The following CPNE7 variants were observed in gnomAD, a reference collection of about 807,000 sequenced individuals.
The protein encoded by CPNE7 is copine 7, also known as copine-7.
Under a neutral mutation model 66.5 loss-of-function variants are expected in CPNE7, and 78 were observed. That is an observed-to-expected ratio of 1.17 (90% CI 0.98 to 1.42). The LOEUF (loss-of-function observed/expected upper bound fraction) is 1.42. Among genes scored for constraint, CPNE7 ranks in the 40% most tolerant of loss-of-function variants. The pLI is 0.00. For synonymous variants in CPNE7, 468 were observed against 336.7 expected (o/e 1.39, Z -4.27); for missense variants, 1,012 against 776.6 (o/e 1.30, Z -3.60).
intron 1 of CPNE7, among the ~76,000 whole-genome samples, chr16:89,577,113 A>T (rs896905426): frequency 2.0e-5 from 3 of 152,156 alleles, no homozygotes; most frequent in Non-Finnish European, 4.4e-5. Context: ...CAGTTGGACC[A>T]GGGAACTGCA....
At position 89,578,940 on chromosome 16, in the gene CPNE7, C is replaced by A. The variant is rs370192350; in HGVS notation, c.357+1219C>A. On this transcript the variant is annotated intron_variant, in intron 2 of 14. Transcript: ENST00000319518. ...CTGCTGGACACTGCGCTAAGCACTT[C>A]CTGTGCTGCACGGAATCCTCACACC... The A allele has an allele frequency of 3.2e-5, 52 of 1,613,440 alleles. No individual in the cohort carries two copies. The highest frequency in any genetic ancestry group is 4.3e-5 in the Non-Finnish European group (51 of 1,179,620).
chr16:89,587,181 GCCCCTCCCCGC>G (rs2059061683), intron 9 of CPNE7, 79 bp downstream of exon 9: 4 of 588,080 alleles, frequency 6.8e-6, no homozygotes, highest in Admixed American at 3.3e-5. Context: ...CCGTGGCCCC[GCCCCTCCCCGC>G]CCCCTCAGTC....
intron 10 of CPNE7, 76 bp downstream of exon 10, chr16:89,588,884 C>T (rs1447545621): frequency 5.1e-6 from 8 of 1,566,540 alleles, no homozygotes; most frequent in Non-Finnish European, 7.0e-6. Flanking sequence ...TCTTCCCCCT[C>T]ACCCCCCTGG....
rs1215275290 is a variant in CPNE7, at chr16:89,585,762, C to G, written c.757C>G (p.Gln253Glu). 3 of 1,511,244 alleles carry G rather than the reference C, an allele frequency of 2.0e-6. No individual in the cohort carries two copies. The South Asian group carries it at 3.6e-5, about 18-fold the overall frequency. The allele number at this position is 1,511,244 out of a possible 1,614,324, so 93.6% of individuals were successfully genotyped here. The change falls in exon 7 of 15, where the codon CAG becomes GAG. Residue 253 changes from glutamine (Q) to glutamate (E), a missense_variant. Gln to Glu is a conservative substitution (Grantham distance 29). Transcript: ENST00000319518. ...ATTCTCTACCACCTTCGAGGAGATG[C>G]AGAAGGCCTTTGAGGAGGGGCAGGT... The part of the protein sequence containing the change: ...GEFSTTFEEM[Q>E]KAFEEGQAQW...
intron 2 of CPNE7, among the ~76,000 whole-genome samples, chr16:89,583,148 C>T (rs1442724118): frequency 1.3e-5 from 2 of 152,246 alleles, no homozygotes; most frequent in African/African-American, 4.8e-5. Context: ...TTCGAACAAT[C>T]AACTCTGCTC....
chr16:89,576,193 TG>T lies in CPNE7; in HGVS notation c.174+126del, dbSNP rs577281487. On this transcript the variant is annotated intron_variant, in intron 1 of 14. Coordinates refer to ENST00000319518, the MANE Select transcript of CPNE7 (RefSeq NM_153636.3). ...GGCGCAAGGCGGGGCCCCCCGGAGC[TG>T]GGGCTCAGCTCGGGGTCAGGGTTGG... 224 of 789,852 alleles carry T rather than the reference TG, an allele frequency of 2.8e-4. No homozygotes were observed. The African/African-American group carries it at 3.9e-3, about 14-fold the overall frequency. 48.9% of individuals were successfully genotyped at this position (789,852 alleles called of 1,614,324 possible).
intron 13 of CPNE7, among the ~76,000 whole-genome samples, chr16:89,594,603 A>T (rs1437289716): frequency 1.4e-5 from 2 of 144,004 alleles, no homozygotes; most frequent in Non-Finnish European, 3.0e-5. Context: ...GGTTTTTTTT[A>T]AACAATGGAA....
At chr16:89,593,767 C>G (rs1197844344) in intron 13 of CPNE7, among the ~76,000 whole-genome samples, 2 of 152,226 alleles carry the variant, frequency 1.3e-5, no homozygotes, top group Admixed American at 1.3e-4. Context: ...TTATCTAATA[C>G]ATAGACTATA....
At position 89,585,674 on chromosome 16, in the gene CPNE7, C is replaced by G. The variant is rs1420665238; in HGVS notation, c.682-13C>G. The stretch of plus-strand genomic sequence containing the variant: ...CCCCAGACAGCAGTGCTGAGGAGGA[C>G]TGGGCTCCCCAGTGCCTGGTCTGGG... On this transcript the variant is annotated splice_polypyrimidine_tract_variant and intron_variant, in intron 6 of 14. Coordinates refer to ENST00000319518, the MANE Select transcript of CPNE7 (RefSeq NM_153636.3). 1 of 1,553,680 alleles carries G rather than the reference C, an allele frequency of 6.4e-7. No homozygotes were observed. The highest frequency in any genetic ancestry group is 1.4e-5 in the African/African-American group (1 of 72,752).
intron 2 of CPNE7, 140 bp from the exon 3 acceptor site, chr16:89,583,557 C>G: frequency 6.3e-7 from 1 of 1,589,814 alleles, no homozygotes; most frequent in Non-Finnish European, 8.6e-7. Flanking sequence ...AAAGGGGGCG[C>G]GGGCCCTGGG....
In CPNE7 at chr16:89,592,215, C is replaced by T. The variant is rs548458117; in HGVS notation, c.1302+955C>T. ...ATTTTTAGTAGAGACGGGGTTTCAC[C>T]GTGTTAGCGAGGATGGTCTCGATCT... On this transcript the variant is annotated intron_variant, in intron 13 of 14. Transcript: ENST00000319518. Among the ~76,000 whole-genome samples, 113 of 149,280 alleles carry T rather than the reference C, an allele frequency of 7.6e-4. 2 individuals carry two copies. Among genetic ancestry groups the T allele is most frequent in the African/African-American group, 2.6e-3 (103 of 40,232 alleles).
intron 13 of CPNE7, among the ~76,000 whole-genome samples, chr16:89,593,561 C>T (rs1202159510): frequency 1.3e-5 from 2 of 151,920 alleles, no homozygotes; most frequent in African/African-American, 2.4e-5. Context: ...ACTGTGTTAG[C>T]CAGGATGGTC....
chr16:89,588,633 A>G (rs55802105), intron 9 of CPNE7, 42 bp from the exon 10 acceptor site: 55 of 1,609,776 alleles, frequency 3.4e-5, no homozygotes, highest in Non-Finnish European at 4.4e-5. Flanking sequence ...GGGTTCGGGG[A>G]GCCCCGGCCC....
intron 9 of CPNE7, among the ~76,000 whole-genome samples, 167 bp from the exon 10 acceptor site, chr16:89,588,508 C>A (rs955291879): frequency 2.6e-5 from 4 of 152,134 alleles, no homozygotes; most frequent in Non-Finnish European, 5.9e-5. Flanking sequence ...CCTCTCCTGG[C>A]CCTGTGTAGC....
At chr16:89,583,804 G>T in intron 3 of CPNE7, 33 bp downstream of exon 3, 1 of 1,609,524 alleles carries the variant, frequency 6.2e-7, no homozygotes, top group Non-Finnish European at 8.5e-7. Context: ...CAGCCTGCAG[G>T]CCCTGCTGCT....
chr16:89,591,192 A>G lies in CPNE7; in HGVS notation c.1234A>G (p.Asn412Asp). The G allele has an allele frequency of 6.3e-7, 1 of 1,599,284 alleles. No individual in the cohort carries two copies. The highest frequency in any genetic ancestry group is 8.5e-7 in the Non-Finnish European group (1 of 1,173,154). Residue 412 changes from asparagine to aspartate, a missense_variant, in exon 13 of 15, where the codon AAC (asparagine) becomes GAC (aspartate). Asn to Asp is a conservative substitution (Grantham distance 23). Coordinates refer to ENST00000319518, the MANE Select transcript of CPNE7 (RefSeq NM_153636.3). ...LPRVQLYGPT[N>D]VAPIISKVAR... ...CAGGGTCCAGCTCTACGGCCCCACC[A>G]ACGTGGCGCCCATCATCTCCAAGGT...
rs1193836981 is a variant in CPNE7 at position 89,596,811 on chromosome 16, G to T, written c.*190G>T. ...TCTGGGGCCCCCAAGGCCGAAGGGT[G>T]ACAAAATACAGGCCCCCATGCCTGG... On this transcript the variant is annotated 3_prime_UTR_variant, in exon 15 of 15. Transcript: ENST00000319518. 3 of 645,394 alleles carry T rather than the reference G, an allele frequency of 4.6e-6. No homozygotes were observed. The highest frequency in any genetic ancestry group is 7.1e-6 in the Non-Finnish European group (3 of 421,494). The allele number at this position is 645,394 out of a possible 1,614,324, so 40.0% of individuals were successfully genotyped here.
chr16:89,591,814 C>T (rs57335442), intron 13 of CPNE7, among the ~76,000 whole-genome samples: 2 of 152,100 alleles, frequency 1.3e-5, no homozygotes, highest in South Asian at 2.1e-4. Flanking sequence ...CATTCTCCTG[C>T]CTCAGCCTCC....
chr16:89,581,431 T>C (rs1470501054), intron 2 of CPNE7, among the ~76,000 whole-genome samples: 2 of 152,210 alleles, frequency 1.3e-5, no homozygotes, highest in South Asian at 4.1e-4. Flanking sequence ...GTTCGTCTCT[T>C]CTGGAATTCC....
Sources: gnomAD v4.1 joint callset for allele counts (sites outside exome capture counted in the v4.1 genomes callset) on GRCh38, gnomAD v4.1.1 for gene constraint, MANE v1.5 for transcripts, NCBI Gene and HGNC (gene_info 2026-07-23, HGNC 2026-07-21) for gene names.